Variants in IL1R1 observed in about 807,000 individuals in gnomAD.
IL1R1 encodes the protein interleukin 1 receptor type 1.
In IL1R1, 22 loss-of-function variants were observed where a neutral mutation model predicts 50.2. The ratio of observed to expected loss-of-function variants is 0.44; its 90% CI spans 0.31 to 0.63. The LOEUF (loss-of-function observed/expected upper bound fraction) is 0.63. IL1R1 is among the 20% of genes least tolerant of loss of function. The probability of loss-of-function intolerance (pLI) is 0.07; values close to 1 mark genes in which losing one functional copy is unlikely to be tolerated. For missense variants in IL1R1, 509 were observed against 676.2 expected (o/e 0.75, Z 2.74); for synonymous variants, 251 against 236.7 (o/e 1.06, Z -0.55).
At chr2:102,097,640 TA>T (rs1401692818) in intron 1 of IL1R1, among the ~76,000 whole-genome samples, 1 of 151,540 alleles carries the variant, frequency 6.6e-6, no homozygotes, top group Admixed American at 6.6e-5. Flanking sequence ...AAATTTTAGA[TA>T]AAAAAACAAA....
At chr2:102,157,623 G>A in intron 2 of IL1R1, 96 bp from the exon 3 acceptor site, 1 of 746,140 alleles carries the variant, frequency 1.3e-6, no homozygotes, top group Non-Finnish European at 2.4e-6. Context: ...GGGTGAGGGT[G>A]GGGACAGGGC....
chr2:102,109,223 T>A (rs1285317862), intron 1 of IL1R1, among the ~76,000 whole-genome samples: 1 of 152,112 alleles, frequency 6.6e-6, no homozygotes, highest in Admixed American at 6.5e-5. Flanking sequence ...GGAGACAATG[T>A]CTCATGGTTT....
At chr2:102,099,053 C>T (rs779714754) in intron 1 of IL1R1, among the ~76,000 whole-genome samples, 1 of 152,102 alleles carries the variant, frequency 6.6e-6, no homozygotes, top group Non-Finnish European at 1.5e-5. Flanking sequence ...CTTCCTTATT[C>T]ACTAAAATAA....
At chr2:102,111,775 C>T (rs1680779280) in intron 1 of IL1R1, among the ~76,000 whole-genome samples, 2 of 152,160 alleles carry the variant, frequency 1.3e-5, no homozygotes, top group South Asian at 2.1e-4. Flanking sequence ...CCAGGGAGTC[C>T]TTCAGGGATG....
chr2:102,076,569 A>T (rs1678970891), intron 1 of IL1R1, among the ~76,000 whole-genome samples: 1 of 152,136 alleles, frequency 6.6e-6, no homozygotes, highest in African/African-American at 2.4e-5. Context: ...TCTGAAAGAC[A>T]TTTTTGCTGC....
chr2:102,169,223 A>T (rs955754107), intron 7 of IL1R1, among the ~76,000 whole-genome samples: 3 of 152,210 alleles, frequency 2.0e-5, no homozygotes, highest in African/African-American at 7.2e-5. Flanking sequence ...GGCCCCAAAG[A>T]TGGTAGTCAT....
At chr2:102,082,711 T>A (rs1679268503) in intron 1 of IL1R1, among the ~76,000 whole-genome samples, 1 of 152,208 alleles carries the variant, frequency 6.6e-6, no homozygotes, top group South Asian at 2.1e-4. Flanking sequence ...TTTTAAATAT[T>A]TCAAGCGAGC....
chr2:102,082,564 T>G (rs747104451), intron 1 of IL1R1, among the ~76,000 whole-genome samples: 2 of 152,204 alleles, frequency 1.3e-5, no homozygotes, highest in Non-Finnish European at 2.9e-5. Context: ...GCACTTAACA[T>G]GAGGTAGGTG....
At chr2:102,168,042 G>C (rs1253793490) in intron 6 of IL1R1, among the ~76,000 whole-genome samples, 1 of 152,088 alleles carries the variant, frequency 6.6e-6, no homozygotes. Context: ...GTTTCTCATA[G>C]TTTCTTCATG....
intron 1 of IL1R1, among the ~76,000 whole-genome samples, chr2:102,073,024 T>C: frequency 6.6e-6 from 1 of 152,194 alleles, no homozygotes; most frequent in East Asian, 1.9e-4. Flanking sequence ...CATGATGCCT[T>C]TTCCCTGTCC....
chr2:102,171,483 A>C (rs1041509648), intron 7 of IL1R1, among the ~76,000 whole-genome samples: 1 of 152,216 alleles, frequency 6.6e-6, no homozygotes, highest in Admixed American at 6.5e-5. Context: ...GTGTATATGT[A>C]TTATGGAATG....
upstream of IL1R1, chr2:102,142,682 C>A (rs1056201961): frequency 6.6e-6 from 1 of 151,662 alleles, no homozygotes; most frequent in African/African-American, 2.4e-5. Context: ...CTGGCCCAGC[C>A]GAGCCGTCTC....
At chr2:102,139,004 G>T (rs1682495618), upstream of IL1R1, among the ~76,000 whole-genome samples, 1 of 152,188 alleles carries the variant, frequency 6.6e-6, no homozygotes, top group Non-Finnish European at 1.5e-5. Flanking sequence ...TCTGGGGGTA[G>T]TAACACAATC....
chr2:102,110,332 A>G (rs1443287978), intron 1 of IL1R1, among the ~76,000 whole-genome samples: 1 of 152,148 alleles, frequency 6.6e-6, no homozygotes, highest in African/African-American at 2.4e-5. Flanking sequence ...AATTTTGCAG[A>G]AGTGTTTCCA....
chr2:102,113,021 C>T lies in IL1R1; in HGVS notation c.-84+8149C>T, dbSNP rs76429362. Among the ~76,000 whole-genome samples, 488 of 152,232 alleles carry T rather than the reference C, an allele frequency of 3.2e-3. 6 individuals are homozygous for T. The highest frequency in any genetic ancestry group is 0.011 in the African/African-American group (472 of 41,544). On this transcript the variant is annotated intron_variant, in intron 1 of 10. Transcript: ENST00000409329. ...CAGAAAGTGGGCCCTCACCAGACAC[C>T]GGATCTGTCAGAACCGTGATCTTAC...
At chr2:102,164,632 G>T in intron 3 of IL1R1, 142 bp from the exon 4 acceptor site, 2 of 625,636 alleles carry the variant, frequency 3.2e-6, no homozygotes, top group Non-Finnish European at 5.6e-6. Flanking sequence ...CCCAGATAAT[G>T]ATCTTATCAC....
Position 102,079,308 on chromosome 2 carries a change from A to T in IL1R1, c.-84+8775A>T, listed in dbSNP as rs191352559. The stretch of plus-strand genomic sequence containing the variant: ...AGAAATAAAATTCATATTGGAAAAA[A>T]CCAGCTCTATTCTCAAATGACCTGG... On this transcript the variant is annotated intron_variant, in intron 1 of 11. Transcript: ENST00000409929. Among the ~76,000 whole-genome samples, 450 of 152,282 alleles carry T rather than the reference A, an allele frequency of 3.0e-3. 2 individuals carry two copies. Among genetic ancestry groups the T allele is most frequent in the African/African-American group, 9.0e-3 (374 of 41,576 alleles).
intron 1 of IL1R1, among the ~76,000 whole-genome samples, chr2:102,085,439 A>G (rs1679391829): frequency 6.6e-6 from 1 of 152,164 alleles, no homozygotes; most frequent in African/African-American, 2.4e-5. Flanking sequence ...CCATTTGACT[A>G]TCCAAATGAT....
rs36099195 is a variant in IL1R1 at position 102,089,834 on chromosome 2, C to CTT, written c.-84+19317_-84+19318dup. Among the ~76,000 whole-genome samples, 293 of 134,258 alleles carry CTT rather than the reference C, an allele frequency of 2.2e-3. 2 individuals carry two copies. The highest frequency in any genetic ancestry group is 7.1e-3 in the African/African-American group (259 of 36,454). The allele number at this position is 134,258 out of a possible 152,430, so 88.1% of individuals were successfully genotyped here. A position where few individuals can be genotyped will look rare whatever the true frequency, so the allele number is the denominator to read the frequency against. ...CAAGGTGTAGTTATCTTTGGTTTAT[C>CTT]TTTTTTTTTTTTTTTTTGAGACAGA... On this transcript the variant is annotated intron_variant, in intron 1 of 11. Transcript: ENST00000409929.
Sources: gnomAD v4.1 joint callset for allele counts (sites outside exome capture counted in the v4.1 genomes callset) on GRCh38, gnomAD v4.1.1 for gene constraint, MANE v1.5 for transcripts, NCBI Gene and HGNC (gene_info 2026-07-23, HGNC 2026-07-21) for gene names.